Variants in MIPOL1 observed in about 807,000 individuals in gnomAD.
The protein encoded by MIPOL1 is mirror-image polydactyly gene 1 protein.
Under a neutral mutation model 60.9 loss-of-function variants are expected in MIPOL1, and 57 were observed. That is an observed-to-expected ratio of 0.94 (90% CI 0.76 to 1.17). The LOEUF is 1.17. Ranked by LOEUF, MIPOL1 falls within the 50% of genes most tolerant of loss-of-function variation. The pLI is 0.00. For synonymous variants in MIPOL1, 179 were observed against 168.8 expected (o/e 1.06, Z -0.47); for missense variants, 551 against 511.6 (o/e 1.08, Z -0.74).
chr14:37,433,716 C>T (rs1005189058), intron 11 of MIPOL1, among the ~76,000 whole-genome samples: 13 of 151,918 alleles, frequency 8.6e-5, no homozygotes, highest in East Asian at 1.9e-4. Context: ...CCACCATGCC[C>T]GGCTAATTTT....
chr14:37,255,952 T>C (rs1974849161), intron 3 of MIPOL1, among the ~76,000 whole-genome samples: 1 of 151,850 alleles, frequency 6.6e-6, no homozygotes, highest in African/African-American at 2.4e-5. Context: ...TGGATTTGTA[T>C]TGATAAAATT....
At chr14:37,539,094 C>T (rs1185129255) in intron 12 of MIPOL1, among the ~76,000 whole-genome samples, 2 of 151,824 alleles carry the variant, frequency 1.3e-5, no homozygotes, top group Non-Finnish European at 2.9e-5. Flanking sequence ...CCCAGCTACT[C>T]GGGAGGCTGA....
rs563899935 is a variant in MIPOL1, at chr14:37,534,698, T to C, written c.1263-12207T>C. The stretch of plus-strand genomic sequence containing the variant: ...GAAGGAGCCCAATAAAATTGTAACT[T>C]AATCTTAATTTATTCTATTATCTCA... On this transcript the variant is annotated intron_variant, in intron 12 of 12. Transcript: ENST00000684589. Among the ~76,000 whole-genome samples the C allele has an allele frequency of 6.6e-5, 10 of 152,298 alleles. No homozygotes were observed. The South Asian group carries it at 2.1e-3, about 32-fold the overall frequency.
At chr14:37,522,480 T>C (rs1407632754) in intron 12 of MIPOL1, among the ~76,000 whole-genome samples, 7 of 152,184 alleles carry the variant, frequency 4.6e-5, no homozygotes, top group Non-Finnish European at 1.5e-5. Flanking sequence ...CGTTCTCTTA[T>C]GCCAACCTTC....
intron 12 of MIPOL1, chr14:37,545,643 T>C: frequency 1.5e-6 from 1 of 646,100 alleles, no homozygotes; most frequent in Non-Finnish European, 2.8e-6. Flanking sequence ...TTTTGTTTTA[T>C]TTTCCTGTTT....
intron 10 of MIPOL1, among the ~76,000 whole-genome samples, chr14:37,408,585 C>T (rs1009598299): frequency 2.0e-5 from 3 of 152,146 alleles, no homozygotes; most frequent in African/African-American, 7.2e-5. Context: ...GTTGAGATTG[C>T]ACCACTACAC....
intron 1 of MIPOL1, among the ~76,000 whole-genome samples, chr14:37,224,503 CAGTG>C (rs1409790859): frequency 5.9e-5 from 9 of 152,224 alleles, no homozygotes; most frequent in Non-Finnish European, 1.2e-4. Flanking sequence ...CAAGGGAAGA[CAGTG>C]AGAGCCAAGT....
chr14:37,523,717 T>G lies in MIPOL1; in HGVS notation c.1263-23188T>G, dbSNP rs2095428876. ...CACTGATGAACAAACTCAAACTGTA[T>G]CTTGACCTCACTGTACCTTGACCTC... On this transcript the variant is annotated intron_variant, in intron 12 of 12. Coordinates refer to ENST00000684589, the MANE Select transcript of MIPOL1 (RefSeq NM_001388067.1). 5 of 336,192 alleles carry G rather than the reference T, an allele frequency of 1.5e-5. No homozygotes were observed. The East Asian group carries it at 1.6e-4, about 11-fold the overall frequency. 20.8% of individuals were successfully genotyped at this position (336,192 alleles called of 1,614,324 possible). A position where few individuals can be genotyped will look rare whatever the true frequency, so the allele number is the denominator to read the frequency against.
At chr14:37,546,131 G>C (rs1306282816) in intron 12 of MIPOL1, 1 of 152,752 alleles carries the variant, frequency 6.5e-6, no homozygotes, top group African/African-American at 2.4e-5. Context: ...CGCTCATAGA[G>C]TAGTCTAAGA....
intron 1 of MIPOL1, chr14:37,227,863 C>G (rs1053179613): frequency 1.3e-5 from 2 of 152,146 alleles, no homozygotes; most frequent in Non-Finnish European, 2.9e-5. Context: ...TCGCTTGTAT[C>G]ACATCTGCCC....
At chr14:37,363,929 A>AC (rs1187087257) in intron 9 of MIPOL1, among the ~76,000 whole-genome samples, 10 of 151,546 alleles carry the variant, frequency 6.6e-5, no homozygotes, top group African/African-American at 1.5e-4. Flanking sequence ...TGGGCATGTG[A>AC]CCCCCCGAGC....
chr14:37,312,995 T>C (rs7141116), intron 9 of MIPOL1, among the ~76,000 whole-genome samples: 151,153 of 152,222 alleles, frequency 0.99, 75,054 homozygotes, highest in Middle Eastern at 1. Flanking sequence ...TTTTAAATTT[T>C]GTAGGACCTT....
chr14:37,426,436 G>A (rs2093960398), intron 11 of MIPOL1, among the ~76,000 whole-genome samples: 1 of 151,056 alleles, frequency 6.6e-6, no homozygotes, highest in Non-Finnish European at 1.5e-5. Flanking sequence ...AGGTGTAGTG[G>A]CGGACACCTG....
chr14:37,550,886 G>A lies in MIPOL1; in HGVS notation c.*3915G>A, dbSNP rs1183866248. ...GAAGAGTTTTTCTTGTGCTTGCTTC[G>A]GCAGCATATATACTGAAATTAGAAA... On this transcript the variant is annotated 3_prime_UTR_variant, in exon 13 of 13. Coordinates refer to ENST00000684589, the MANE Select transcript of MIPOL1 (RefSeq NM_001388067.1). The A allele has an allele frequency of 1.3e-5, 2 of 151,848 alleles. No homozygotes were observed. Among genetic ancestry groups the A allele is most frequent in the African/African-American group, 2.4e-5 (1 of 41,280 alleles). 9.4% of individuals were successfully genotyped at this position (151,848 alleles called of 1,614,324 possible).
rs72674232 is a variant in MIPOL1, at chr14:37,509,537, C to G, written c.1262+9399C>G. On this transcript the variant is annotated intron_variant, in intron 12 of 12. Transcript: ENST00000684589. ...TGACTCTGGGTGCTGGCAAGAGGAA[C>G]AGAGCACGTTTCTACAGTTTCTCAA... Among the ~76,000 whole-genome samples the G allele has an allele frequency of 8.6e-3, 1,302 of 151,780 alleles. 10 individuals are homozygous for G. The highest frequency in any genetic ancestry group is 0.017 in the South Asian group (81 of 4,808).
chr14:37,524,767 A>C (rs556782735), intron 12 of MIPOL1, among the ~76,000 whole-genome samples: 2 of 151,492 alleles, frequency 1.3e-5, no homozygotes, highest in South Asian at 4.2e-4. Flanking sequence ...ACGGGGTTTC[A>C]CCATCTTGGC....
At chr14:37,276,385 A>G (rs1483228113) in intron 6 of MIPOL1, 1 of 151,102 alleles carries the variant, frequency 6.6e-6, no homozygotes, top group Non-Finnish European at 1.5e-5. Flanking sequence ...AATCCCTGAA[A>G]CTTACAACTT....
At chr14:37,312,195 C>T (rs925549338) in intron 9 of MIPOL1, among the ~76,000 whole-genome samples, 1 of 152,130 alleles carries the variant, frequency 6.6e-6, no homozygotes, top group African/African-American at 2.4e-5. Flanking sequence ...GCAACCTCTG[C>T]CTCCTGGGTT....
chr14:37,347,099 C>T (rs1375396959), intron 9 of MIPOL1, among the ~76,000 whole-genome samples: 4 of 151,638 alleles, frequency 2.6e-5, no homozygotes, highest in Non-Finnish European at 5.9e-5. Flanking sequence ...AAGTTAATAC[C>T]GAAAAAGGAA....
Sources: gnomAD v4.1 joint callset for allele counts (sites outside exome capture counted in the v4.1 genomes callset) on GRCh38, gnomAD v4.1.1 for gene constraint, MANE v1.5 for transcripts, NCBI Gene and HGNC (gene_info 2026-07-23, HGNC 2026-07-21) for gene names.